The following PLCL1 variants were observed in gnomAD, a reference collection of about 807,000 sequenced individuals.
PLCL1 encodes phospholipase C like 1 (inactive).
In PLCL1, 41 loss-of-function variants were observed where a neutral mutation model predicts 84.4. That is an observed-to-expected ratio of 0.49 (90% CI 0.38 to 0.63). The LOEUF is 0.63. Ranked by LOEUF, PLCL1 falls within the 30% of genes least tolerant of loss-of-function variation. The probability of loss-of-function intolerance (pLI) is 0.00; values close to 1 mark genes in which losing one functional copy is unlikely to be tolerated. For synonymous variants in PLCL1, 490 were observed against 488.3 expected (o/e 1.00, Z -0.05); for missense variants, 1,206 against 1,367.8 (o/e 0.88, Z 1.87).
At chr2:198,124,677 C>T (rs1693946224) in intron 5 of PLCL1, among the ~76,000 whole-genome samples, 1 of 152,088 alleles carries the variant, frequency 6.6e-6, no homozygotes, top group Admixed American at 6.5e-5. Flanking sequence ...TGGCCGGGCC[C>T]TGTGCTAACT....
At chr2:198,082,033 A>T (rs530365517) in intron 1 of PLCL1, among the ~76,000 whole-genome samples, 2 of 152,218 alleles carry the variant, frequency 1.3e-5, no homozygotes, top group Non-Finnish European at 2.9e-5. Context: ...ATTAACTTCT[A>T]TATAACACCC....
At chr2:197,936,132 C>CA (rs139828713) in intron 1 of PLCL1, among the ~76,000 whole-genome samples, 2 of 44,672 alleles carry the variant, frequency 4.5e-5, no homozygotes, top group Non-Finnish European at 1.0e-4. Flanking sequence ...ATATTAAACA[C>CA]CCCCCCCCTC....
At chr2:198,030,689 G>A (rs1481437637) in intron 1 of PLCL1, among the ~76,000 whole-genome samples, 1 of 152,126 alleles carries the variant, frequency 6.6e-6, no homozygotes, top group Non-Finnish European at 1.5e-5. Context: ...TGAGGTGAAT[G>A]TATTGTTATT....
intron 1 of PLCL1, among the ~76,000 whole-genome samples, chr2:198,000,729 C>G (rs573408511): frequency 6.8e-6 from 1 of 147,004 alleles, no homozygotes; most frequent in Non-Finnish European, 1.5e-5. Context: ...CCTGCTATCA[C>G]TTTATTTCCC....
At chr2:197,996,199 G>T (rs977522837) in intron 1 of PLCL1, among the ~76,000 whole-genome samples, 1 of 152,094 alleles carries the variant, frequency 6.6e-6, no homozygotes, top group Non-Finnish European at 1.5e-5. Flanking sequence ...GGCCAGAAAT[G>T]CTGGTTAGGA....
chr2:197,926,854 G>A (rs763576793), intron 1 of PLCL1, among the ~76,000 whole-genome samples: 2 of 152,156 alleles, frequency 1.3e-5, no homozygotes, highest in Admixed American at 6.6e-5. Flanking sequence ...GGTTTGGCAT[G>A]AGGTTTCATT....
intron 1 of PLCL1, among the ~76,000 whole-genome samples, chr2:197,998,863 G>T (rs1383741550): frequency 6.6e-6 from 1 of 152,130 alleles, no homozygotes; most frequent in Non-Finnish European, 1.5e-5. Flanking sequence ...ACTCAACGAA[G>T]GTGTGGGTGG....
intron 1 of PLCL1, among the ~76,000 whole-genome samples, chr2:197,830,254 A>G (rs189520412): frequency 6.6e-6 from 1 of 152,150 alleles, no homozygotes; most frequent in East Asian, 1.9e-4. Context: ...AACCCAATGG[A>G]AGGAAGCTAG....
intron 1 of PLCL1, among the ~76,000 whole-genome samples, chr2:198,010,770 A>G (rs1201170286): frequency 6.6e-6 from 1 of 151,030 alleles, no homozygotes; most frequent in Non-Finnish European, 1.5e-5. Flanking sequence ...GAGAAGCCAC[A>G]TGGTCCTGGG....
chr2:197,850,382 T>G (rs1469105691), intron 1 of PLCL1, among the ~76,000 whole-genome samples: 1 of 152,178 alleles, frequency 6.6e-6, no homozygotes, highest in Non-Finnish European at 1.5e-5. Flanking sequence ...TTTTTGTCAA[T>G]TATTTGAGAA....
intron 1 of PLCL1, among the ~76,000 whole-genome samples, chr2:198,044,286 C>T (rs1013736555): frequency 6.6e-6 from 1 of 152,150 alleles, no homozygotes. Context: ...GTTACTGAAA[C>T]CTGCCATCCA....
At chr2:197,974,279 A>T (rs1325942113) in intron 1 of PLCL1, among the ~76,000 whole-genome samples, 1 of 152,216 alleles carries the variant, frequency 6.6e-6, no homozygotes, top group Non-Finnish European at 1.5e-5. Context: ...TTGAATTGCT[A>T]TGGAAAGTCC....
chr2:197,916,392 C>T (rs1393525454), intron 1 of PLCL1, among the ~76,000 whole-genome samples: 1 of 152,106 alleles, frequency 6.6e-6, no homozygotes, highest in Non-Finnish European at 1.5e-5. Flanking sequence ...TACTCACTAG[C>T]TGTAAACATG....
chr2:197,973,502 A>T (rs1166041367), intron 1 of PLCL1, among the ~76,000 whole-genome samples: 2 of 152,234 alleles, frequency 1.3e-5, no homozygotes, highest in African/African-American at 4.8e-5. Flanking sequence ...AATAATAAAA[A>T]AGTATAATTT....
At chr2:197,864,744 G>A (rs1559028959) in intron 1 of PLCL1, among the ~76,000 whole-genome samples, 1 of 152,038 alleles carries the variant, frequency 6.6e-6, no homozygotes, top group Non-Finnish European at 1.5e-5. Flanking sequence ...AAAGTACTGG[G>A]ATTACAGGCA....
chr2:198,011,192 G>T (rs1178370743), intron 1 of PLCL1, among the ~76,000 whole-genome samples: 2 of 151,794 alleles, frequency 1.3e-5, no homozygotes, highest in Non-Finnish European at 2.9e-5. Context: ...GTTACTGAAG[G>T]TATAAATTTA....
chr2:198,063,692 A>C (rs902267790), intron 1 of PLCL1, among the ~76,000 whole-genome samples: 2 of 152,230 alleles, frequency 1.3e-5, no homozygotes, highest in African/African-American at 4.8e-5. Context: ...ACATATTTGT[A>C]AACTTAGTTT....
intron 1 of PLCL1, among the ~76,000 whole-genome samples, chr2:197,868,543 C>T (rs1340727722): frequency 6.6e-6 from 1 of 152,094 alleles, no homozygotes; most frequent in African/African-American, 2.4e-5. Context: ...CTTTCTTACC[C>T]AGGCTGGAGT....
intron 1 of PLCL1, among the ~76,000 whole-genome samples, chr2:197,925,316 A>C (rs2105760637): frequency 6.6e-6 from 1 of 152,250 alleles, no homozygotes; most frequent in Admixed American, 6.5e-5. Flanking sequence ...TTGGTTAAAA[A>C]AAATCAGTTA....
Sources: gnomAD v4.1 joint callset for allele counts (sites outside exome capture counted in the v4.1 genomes callset) on GRCh38, gnomAD v4.1.1 for gene constraint, MANE v1.5 for transcripts, NCBI Gene and HGNC (gene_info 2026-07-23, HGNC 2026-07-21) for gene names.